Variants in CRPPA observed in about 807,000 individuals in gnomAD.
CRPPA encodes D-ribitol-5-phosphate cytidylyltransferase.
Under a neutral mutation model 52.0 loss-of-function variants are expected in CRPPA, and 43 were observed. That is an observed-to-expected ratio of 0.83 (90% CI 0.65 to 1.07). The LOEUF (loss-of-function observed/expected upper bound fraction) is 1.07. Ranked by LOEUF, CRPPA falls within the 50% of genes least tolerant of loss-of-function variation. The pLI is 0.00. For missense variants in CRPPA, 629 were observed against 551.7 expected, an observed-to-expected ratio of 1.14 and a Z score of -1.40; for synonymous variants, 250 against 203.5, an observed-to-expected ratio of 1.23 and a Z score of -1.94.
intron 9 of CRPPA, among the ~76,000 whole-genome samples, chr7:16,116,675 A>AGGGAAGGGAAG (rs1458566901): frequency 1.0e-5 from 1 of 96,620 alleles, no homozygotes; most frequent in African/African-American, 3.5e-5. Flanking sequence ...AAAAAAAAAA[A>AGGGAAGGGAAG]GGAAAGGAAA....
rs1562608604 is a variant in CRPPA at position 16,286,077 on chromosome 7, AT to A, written c.836-7852del. 7.3e-4 allele frequency among the ~76,000 whole-genome samples: 31 copies of A among 42,254 alleles called. 3 individuals carry two copies. Among genetic ancestry groups the A allele is most frequent in the Admixed American group, 1.2e-3 (4 of 3,264 alleles). The allele number at this position is 42,254 out of a possible 152,430, so 27.7% of individuals were successfully genotyped here. On this transcript the variant is annotated intron_variant, in intron 5 of 9. Transcript: ENST00000407010. ...TATATATATATATATATATATATAT[AT>A]ATAATATTTAAAAAAAAAAATATAT... is the stretch of plus-strand genomic sequence containing the variant.
Position 16,337,332 on chromosome 7 carries a change from T to C in CRPPA, c.685-28705A>G, listed in dbSNP as rs185757203. Among the ~76,000 whole-genome samples, 16 of 152,130 alleles carry C rather than the reference T, an allele frequency of 1.1e-4. No homozygotes were observed. The East Asian group carries it at 3.1e-3, about 29-fold the overall frequency. ...TGAAATCATGGAAAACCTAGACATATGTGGAAATTAAGAAACATGTTCTGA... is the reference window on the plus strand; with the variant it reads ...TGAAATCATGGAAAACCTAGACATACGTGGAAATTAAGAAACATGTTCTGA... On this transcript the variant is annotated intron_variant, in intron 3 of 9. Transcript: ENST00000407010.
intron 3 of CRPPA, among the ~76,000 whole-genome samples, chr7:16,309,601 T>C (rs1784991491): frequency 6.6e-6 from 1 of 152,160 alleles, no homozygotes; most frequent in Admixed American, 6.5e-5. Flanking sequence ...TTTGGTAGAC[T>C]AATTTTTTTT....
intron 9 of CRPPA, among the ~76,000 whole-genome samples, chr7:16,095,374 T>A (rs1781915941): frequency 6.6e-6 from 1 of 150,948 alleles, no homozygotes; most frequent in African/African-American, 2.5e-5. Flanking sequence ...AGCTCTCCAT[T>A]TTTTTCATCT....
intron 6 of CRPPA, chr7:16,276,796 T>C (rs1319666313): frequency 5.9e-5 from 9 of 152,214 alleles, no homozygotes; most frequent in South Asian, 2.1e-4. Context: ...TGTAAGAATA[T>C]ATACAGTAAG....
chr7:16,233,338 A>C (rs552727615), intron 8 of CRPPA, among the ~76,000 whole-genome samples: 1 of 152,296 alleles, frequency 6.6e-6, no homozygotes, highest in African/African-American at 2.4e-5. Context: ...ACACATCTTA[A>C]GTATGCACGC....
intron 3 of CRPPA, among the ~76,000 whole-genome samples, chr7:16,327,664 C>CA: frequency 6.8e-6 from 1 of 147,976 alleles, no homozygotes; most frequent in African/African-American, 2.5e-5. Context: ...AGGAGATACA[C>CA]ATGCTCTTCC....
intron 9 of CRPPA, among the ~76,000 whole-genome samples, chr7:16,111,312 T>C (rs1006054758): frequency 6.6e-5 from 10 of 152,098 alleles, no homozygotes; most frequent in African/African-American, 2.4e-4. Context: ...AAAAAACTCT[T>C]GTGCACTGTT....
chr7:16,100,991 AG>A (rs1384969884), intron 9 of CRPPA, among the ~76,000 whole-genome samples: 1 of 152,146 alleles, frequency 6.6e-6, no homozygotes, highest in Admixed American at 6.5e-5. Context: ...CTTGCATCCC[AG>A]GGATGAAGCC....
intron 9 of CRPPA, among the ~76,000 whole-genome samples, chr7:16,107,197 A>G (rs1782173511): frequency 6.6e-6 from 1 of 152,144 alleles, no homozygotes; most frequent in Admixed American, 6.5e-5. Context: ...AAAAAAAAAC[A>G]AAAACATCTT....
At chr7:16,276,092 A>C (rs1784198928) in intron 6 of CRPPA, among the ~76,000 whole-genome samples, 1 of 152,036 alleles carries the variant, frequency 6.6e-6, no homozygotes, top group African/African-American at 2.4e-5. Context: ...GAAAAAACAC[A>C]AAAGGTAATG....
rs556246091 is a variant in CRPPA at position 16,358,018 on chromosome 7, A to C, written c.684+18074T>G. On this transcript the variant is annotated intron_variant, in intron 3 of 9. Coordinates refer to ENST00000407010, the MANE Select transcript of CRPPA (RefSeq NM_001101426.4). ...TGACAGACTGGCCTGACAAGCTGGAAGTATACTGCTGGGGTACCAGCAAAA... is the reference window on the plus strand; with the variant it reads ...TGACAGACTGGCCTGACAAGCTGGACGTATACTGCTGGGGTACCAGCAAAA... Among the ~76,000 whole-genome samples, 17 of 152,328 alleles carry C rather than the reference A, an allele frequency of 1.1e-4. No individual in the cohort carries two copies. The East Asian group carries it at 3.3e-3, about 29-fold the overall frequency.
chr7:16,317,272 G>T (rs188254638), intron 3 of CRPPA, among the ~76,000 whole-genome samples: 2 of 152,130 alleles, frequency 1.3e-5, no homozygotes. Flanking sequence ...GAAGATAAAA[G>T]TTATTATAAA....
At chr7:16,333,136 AAAAT>A (rs1785595922) in intron 3 of CRPPA, among the ~76,000 whole-genome samples, 1 of 152,222 alleles carries the variant, frequency 6.6e-6, no homozygotes, top group Non-Finnish European at 1.5e-5. Context: ...ATAGATGTGT[AAAAT>A]AACTAGATGA....
intron 9 of CRPPA, among the ~76,000 whole-genome samples, chr7:16,114,687 G>T (rs1432109944): frequency 6.6e-6 from 1 of 151,844 alleles, no homozygotes; most frequent in Non-Finnish European, 1.5e-5. Flanking sequence ...TGGCAACAGA[G>T]TAATGAAGAG....
At chr7:16,342,588 A>G (rs1389670371) in intron 3 of CRPPA, among the ~76,000 whole-genome samples, 2 of 151,244 alleles carry the variant, frequency 1.3e-5, no homozygotes, top group Non-Finnish European at 2.9e-5. Flanking sequence ...TTTCATGTTG[A>G]TAATCCTCAT....
intron 3 of CRPPA, among the ~76,000 whole-genome samples, chr7:16,331,051 G>A (rs1785539335): frequency 6.6e-6 from 1 of 152,192 alleles, no homozygotes; most frequent in Admixed American, 6.5e-5. Context: ...CCAGGCTGGA[G>A]TGCAGGGGCG....
chr7:16,292,629 G>A (rs1477354800), intron 5 of CRPPA, among the ~76,000 whole-genome samples: 2 of 151,940 alleles, frequency 1.3e-5, no homozygotes, highest in Admixed American at 6.6e-5. Context: ...AAGTGCAACA[G>A]AATTTCTTCA....
intron 1 of CRPPA, 46 bp from the exon 2 acceptor site, chr7:16,406,383 A>G: frequency 1.3e-6 from 2 of 1,524,798 alleles, no homozygotes; most frequent in Non-Finnish European, 1.8e-6. Context: ...TTCTTAGACA[A>G]CTAAAGTGAG....
Sources: allele counts gnomAD v4.1 joint callset (sites outside exome capture counted in the v4.1 genomes callset), GRCh38; gene constraint gnomAD v4.1.1; transcripts MANE v1.5; gene names NCBI Gene and HGNC (gene_info 2026-07-23, HGNC 2026-07-21).